The following CNTNAP2 variants were observed in gnomAD, a reference collection of about 807,000 sequenced individuals.
CNTNAP2 encodes the protein contactin-associated protein-like 2.
In CNTNAP2, 98 loss-of-function variants were observed where a neutral mutation model predicts 155.2. That is an observed-to-expected ratio of 0.63 (90% CI 0.54 to 0.75). CNTNAP2 has a LOEUF of 0.75. CNTNAP2 is among the 30% of genes least tolerant of loss of function. CNTNAP2 has a pLI of 0.00. For missense variants in CNTNAP2, 1,727 were observed against 1,688.1 expected, an observed-to-expected ratio of 1.02 and a Z score of -0.40; for synonymous variants, 651 against 631.2, an observed-to-expected ratio of 1.03 and a Z score of -0.47.
chr7:147,136,623 C>A (rs1229560781), intron 8 of CNTNAP2, among the ~76,000 whole-genome samples: 1 of 151,768 alleles, frequency 6.6e-6, no homozygotes, highest in Non-Finnish European at 1.5e-5. Context: ...TGGGAACACT[C>A]CAGGCAGTGT....
chr7:147,392,461 T>G (rs556657986), intron 9 of CNTNAP2, among the ~76,000 whole-genome samples: 1 of 152,172 alleles, frequency 6.6e-6, no homozygotes, highest in Non-Finnish European at 1.5e-5. Flanking sequence ...ACCCATCACC[T>G]TAGCGGTATA....
At chr7:147,666,622 T>C (rs1324437049) in intron 13 of CNTNAP2, among the ~76,000 whole-genome samples, 1 of 152,236 alleles carries the variant, frequency 6.6e-6, no homozygotes, top group Non-Finnish European at 1.5e-5. Flanking sequence ...AGCAGCAGCC[T>C]CATACATCCC....
At chr7:147,486,687 C>A (rs1798516717) in intron 11 of CNTNAP2, among the ~76,000 whole-genome samples, 1 of 151,796 alleles carries the variant, frequency 6.6e-6, no homozygotes, top group South Asian at 2.1e-4. Flanking sequence ...AGCTTTATTC[C>A]AAAAGGTTAA....
chr7:146,732,196 G>A (rs1241828148), intron 1 of CNTNAP2, among the ~76,000 whole-genome samples: 1 of 152,008 alleles, frequency 6.6e-6, no homozygotes, highest in Non-Finnish European at 1.5e-5. Context: ...CAGATCTCCT[G>A]TAATATACAT....
At position 147,986,944 on chromosome 7, in the gene CNTNAP2, G is replaced by GA. The variant is rs796079639; in HGVS notation, c.2383+8965dup. On this transcript the variant is annotated intron_variant, in intron 15 of 23. Transcript: ENST00000361727. ...TTTTAGGGTTGATAATAGAAGGCAT[G>GA]AAAAAAAAAACAAAAGCAAAAACGC... Among the ~76,000 whole-genome samples, 475 of 143,314 alleles carry GA rather than the reference G, an allele frequency of 3.3e-3. 2 individuals are homozygous for GA. The highest frequency in any genetic ancestry group is 0.011 in the African/African-American group (413 of 39,140). 94.0% of individuals were successfully genotyped at this position (143,314 alleles called of 152,430 possible). A position where few individuals can be genotyped will look rare whatever the true frequency, so the allele number is the denominator to read the frequency against.
At chr7:147,287,884 G>A (rs981555950) in intron 8 of CNTNAP2, among the ~76,000 whole-genome samples, 9 of 152,092 alleles carry the variant, frequency 5.9e-5, no homozygotes, top group African/African-American at 9.7e-5. Context: ...CATTTCTCCA[G>A]TGCTAACCTC....
chr7:147,525,009 A>T (rs1799293366), intron 11 of CNTNAP2, among the ~76,000 whole-genome samples: 1 of 152,210 alleles, frequency 6.6e-6, no homozygotes, highest in African/African-American at 2.4e-5. Context: ...CAAAGAAAGG[A>T]TGGTGAAATC....
At chr7:147,544,018 T>C (rs1341995210) in intron 11 of CNTNAP2, among the ~76,000 whole-genome samples, 1 of 152,202 alleles carries the variant, frequency 6.6e-6, no homozygotes, top group Non-Finnish European at 1.5e-5. Flanking sequence ...CTTCATGTCA[T>C]GGAATATTTA....
chr7:146,219,202 A>T (rs966027097), intron 1 of CNTNAP2, among the ~76,000 whole-genome samples: 3 of 152,162 alleles, frequency 2.0e-5, no homozygotes, highest in African/African-American at 7.2e-5. Flanking sequence ...ACCTCCCACC[A>T]GGTCCCTCCC....
chr7:147,448,482 G>GTATATATA (rs10635826), intron 10 of CNTNAP2, among the ~76,000 whole-genome samples: 26 of 103,356 alleles, frequency 2.5e-4, no homozygotes, highest in South Asian at 4.1e-4. Context: ...ATGTGTGTGT[G>GTATATATA]TGTATATATA....
intron 1 of CNTNAP2, among the ~76,000 whole-genome samples, chr7:146,602,949 T>C (rs918915580): frequency 1.3e-5 from 2 of 151,768 alleles, no homozygotes; most frequent in African/African-American, 4.8e-5. Context: ...AACAGCATGA[T>C]TTTGCCATTG....
intron 3 of CNTNAP2, among the ~76,000 whole-genome samples, chr7:146,860,763 A>G (rs1394125663): frequency 6.6e-6 from 1 of 152,098 alleles, no homozygotes; most frequent in Non-Finnish European, 1.5e-5. Context: ...AAAAAAACGC[A>G]TTATTGACAT....
intron 1 of CNTNAP2, among the ~76,000 whole-genome samples, chr7:146,155,844 T>A (rs1798117547): frequency 6.6e-6 from 1 of 151,678 alleles, no homozygotes; most frequent in African/African-American, 2.4e-5. Flanking sequence ...GGATTACAGG[T>A]GCCCACCACC....
intron 13 of CNTNAP2, among the ~76,000 whole-genome samples, chr7:147,808,946 T>C (rs1362600162): frequency 1.3e-5 from 2 of 152,280 alleles, no homozygotes; most frequent in African/African-American, 4.8e-5. Context: ...AGCACCAAGA[T>C]GAGCCCATTA....
chr7:146,462,195 TTG>T (rs1796647385), intron 1 of CNTNAP2, among the ~76,000 whole-genome samples: 3 of 152,214 alleles, frequency 2.0e-5, no homozygotes, highest in African/African-American at 7.2e-5. Context: ...TTAATACTTC[TTG>T]GTGTGTAGCA....
chr7:147,112,737 A>G (rs767792589), intron 5 of CNTNAP2, among the ~76,000 whole-genome samples: 2 of 152,184 alleles, frequency 1.3e-5, no homozygotes, highest in South Asian at 4.1e-4. Flanking sequence ...ATTACAGTGA[A>G]TACCCATTTT....
At position 146,839,916 on chromosome 7, in the gene CNTNAP2, G is replaced by T. The variant is rs760658736; in HGVS notation, c.402+12G>T. On this transcript the variant is annotated intron_variant, in intron 3 of 23. Transcript: ENST00000361727. ...ATGGGAATATCTGGGTAAGTCATTG[G>T]CAGGAAAGCAAAGACACAGAATTGG... 4 of 1,613,818 alleles carry T rather than the reference G, an allele frequency of 2.5e-6. No individual in the cohort carries two copies. The East Asian group carries it at 8.9e-5, about 36-fold the overall frequency.
intron 20 of CNTNAP2, among the ~76,000 whole-genome samples, chr7:148,248,435 G>C (rs1319010608): frequency 3.9e-5 from 6 of 152,090 alleles, no homozygotes; most frequent in African/African-American, 1.4e-4. Flanking sequence ...CTGACCTCAT[G>C]ATCTGCCTGC....
intron 8 of CNTNAP2, among the ~76,000 whole-genome samples, chr7:147,203,185 T>A (rs1802955724): frequency 6.6e-6 from 1 of 152,184 alleles, no homozygotes; most frequent in African/African-American, 2.4e-5. Context: ...ATAAATTCAA[T>A]ACTCATTTCT....
Sources: allele counts gnomAD v4.1 joint callset (sites outside exome capture counted in the v4.1 genomes callset), GRCh38; gene constraint gnomAD v4.1.1; transcripts MANE v1.5; gene names NCBI Gene and HGNC (gene_info 2026-07-23, HGNC 2026-07-21).